Variants in CDH12 observed in about 807,000 individuals in gnomAD.
The protein encoded by CDH12 is cadherin-12.
Under a neutral mutation model 74.1 loss-of-function variants are expected in CDH12, and 41 were observed. The observed-to-expected ratio is 0.55, with a 90% CI of 0.43 to 0.72. CDH12 has a LOEUF of 0.72. Among genes scored for constraint, CDH12 ranks in the 30% least tolerant of loss-of-function variants. The probability of loss-of-function intolerance (pLI) is 0.00; values close to 1 mark genes in which losing one functional copy is unlikely to be tolerated. For missense variants in CDH12, 945 were observed against 977.2 expected, an observed-to-expected ratio of 0.97 and a Z score of 0.44; for synonymous variants, 399 against 355.0, an observed-to-expected ratio of 1.12 and a Z score of -1.39.
At chr5:21,834,369 G>C (rs1011405845) in intron 8 of CDH12, among the ~76,000 whole-genome samples, 4 of 151,888 alleles carry the variant, frequency 2.6e-5, no homozygotes, top group African/African-American at 9.7e-5. Context: ...ATATATTCAT[G>C]TACAGTATCT....
intron 5 of CDH12, among the ~76,000 whole-genome samples, chr5:22,004,147 C>T (rs1736785570): frequency 1.3e-5 from 2 of 152,112 alleles, no homozygotes; most frequent in African/African-American, 4.8e-5. Flanking sequence ...ATTTCTCTTC[C>T]GTTCTTCTAA....
chr5:22,761,129 C>T (rs886091089), intron 1 of CDH12, among the ~76,000 whole-genome samples: 1 of 152,144 alleles, frequency 6.6e-6, no homozygotes, highest in African/African-American at 2.4e-5. Context: ...AATGACACTT[C>T]AAAGATGCCT....
intron 4 of CDH12, among the ~76,000 whole-genome samples, chr5:22,120,540 T>C (rs1483879720): frequency 1.3e-5 from 2 of 152,176 alleles, no homozygotes; most frequent in Non-Finnish European, 2.9e-5. Flanking sequence ...TTGTATAGAT[T>C]TTACATTATT....
At chr5:22,471,973 C>G (rs1745977151) in intron 2 of CDH12, among the ~76,000 whole-genome samples, 1 of 152,038 alleles carries the variant, frequency 6.6e-6, no homozygotes, top group Non-Finnish European at 1.5e-5. Context: ...GATTTATAGT[C>G]AAGGAGAACA....
In CDH12 at chr5:21,989,448, G is replaced by A. The variant is rs549744879; in HGVS notation, c.232-14063C>T. On this transcript the variant is annotated intron_variant, in intron 5 of 14. Transcript: ENST00000382254. Reference sequence around the variant, plus strand: ...TGACCAGACTTTTCTCTGTACTTTCGGGTGTGTTTCCCTATTAGCAGGTAA... The same window carrying A: ...TGACCAGACTTTTCTCTGTACTTTCAGGTGTGTTTCCCTATTAGCAGGTAA... 3.3e-5 allele frequency among the ~76,000 whole-genome samples: 5 copies of A among 152,084 alleles called. No homozygotes were observed. The South Asian group carries it at 1.0e-3, about 32-fold the overall frequency.
Position 22,437,733 on chromosome 5 carries a change from A to T in CDH12, c.-427-32382T>A, listed in dbSNP as rs150462132. 3.1e-4 allele frequency among the ~76,000 whole-genome samples: 47 copies of T among 151,978 alleles called. No individual in the cohort carries two copies. In the East Asian group the frequency reaches 8.7e-3, roughly 28 times the overall value. On this transcript the variant is annotated intron_variant, in intron 2 of 14. Transcript: ENST00000382254. ...TCTCACAATCAATCAATCAATCAAT[A>T]AAAGGCTTTTTGTGATCACAAAATG...
intron 6 of CDH12, among the ~76,000 whole-genome samples, chr5:21,914,535 G>C (rs1462338825): frequency 6.6e-6 from 1 of 152,168 alleles, no homozygotes; most frequent in Non-Finnish European, 1.5e-5. Context: ...AGATGGGAGA[G>C]AGATTTTATT....
chr5:21,883,791 G>T, intron 6 of CDH12: 1 of 1,574,692 alleles, frequency 6.4e-7, no homozygotes, highest in Non-Finnish European at 8.7e-7. Context: ...TTCAGATGGA[G>T]TAGTTGTGCT....
chr5:22,377,494 G>C (rs2126369176), intron 3 of CDH12, among the ~76,000 whole-genome samples: 1 of 152,208 alleles, frequency 6.6e-6, no homozygotes, highest in Non-Finnish European at 1.5e-5. Flanking sequence ...CATCCGGCTT[G>C]AGAGAGAGCA....
chr5:22,368,586 C>T (rs985574674), intron 3 of CDH12, among the ~76,000 whole-genome samples: 4 of 151,532 alleles, frequency 2.6e-5, no homozygotes, highest in Non-Finnish European at 4.4e-5. Flanking sequence ...AAGTAATAAC[C>T]GCTGGTTAAT....
intron 3 of CDH12, among the ~76,000 whole-genome samples, chr5:22,281,666 G>A (rs148186269): frequency 0.014 from 2,173 of 152,160 alleles, 42 homozygotes; most frequent in African/African-American, 0.049. Context: ...CATCTTACAA[G>A]GGATGTGAAG....
chr5:22,442,740 G>A (rs1311205527), intron 2 of CDH12, among the ~76,000 whole-genome samples: 1 of 152,060 alleles, frequency 6.6e-6, no homozygotes, highest in African/African-American at 2.4e-5. Context: ...TGGAAAAGAA[G>A]CCTGGAGTCT....
At chr5:22,510,729 A>C (rs1216646036) in intron 1 of CDH12, among the ~76,000 whole-genome samples, 1 of 152,082 alleles carries the variant, frequency 6.6e-6, no homozygotes, top group African/African-American at 2.4e-5. Flanking sequence ...TTTCATTGTT[A>C]TAATTATTTT....
intron 4 of CDH12, among the ~76,000 whole-genome samples, chr5:22,205,538 C>T (rs1263882587): frequency 6.6e-6 from 1 of 151,842 alleles, no homozygotes; most frequent in African/African-American, 2.4e-5. Context: ...ATATTTCCCT[C>T]TATTGTTTAT....
chr5:22,639,432 CTTTTTTTTT>C (rs10706075), intron 1 of CDH12, among the ~76,000 whole-genome samples: 1 of 115,598 alleles, frequency 8.7e-6, no homozygotes, highest in Non-Finnish European at 1.8e-5. Flanking sequence ...TTTTCTTCTT[CTTTTTTTTT>C]TTTTTTTTTC....
rs1271993488 is a variant in CDH12, at chr5:22,772,660, G to GAAATGTAAAAGTATATGAGAGC, written c.-523+80376_-523+80397dup. Among the ~76,000 whole-genome samples, 4 of 152,062 alleles carry GAAATGTAAAAGTATATGAGAGC rather than the reference G, an allele frequency of 2.6e-5. No homozygotes were observed. In the East Asian group the frequency reaches 7.7e-4, roughly 29 times the overall value. On this transcript the variant is annotated intron_variant, in intron 1 of 14. Transcript: ENST00000382254. ...ATAAGCTAAATTTAAACTTAACTAA[G>GAAATGTAAAAGTATATGAGAGC]AAATGTAAAAGTATATGAGAGCAAA...
intron 6 of CDH12, among the ~76,000 whole-genome samples, chr5:21,882,271 T>G (rs1752391030): frequency 6.6e-6 from 1 of 152,234 alleles, no homozygotes; most frequent in South Asian, 2.1e-4. Flanking sequence ...GACGTATATT[T>G]AATTTGCTTA....
intron 4 of CDH12, among the ~76,000 whole-genome samples, chr5:22,189,579 ATTTCT>A (rs1231616900): frequency 1.3e-5 from 2 of 152,036 alleles, no homozygotes; most frequent in African/African-American, 2.4e-5. Context: ...GTACAATTCT[ATTTCT>A]TTTATTAGGC....
Position 22,090,622 on chromosome 5 carries a change from C to T in CDH12, c.-186-11760G>A, listed in dbSNP as rs1280172122. Among the ~76,000 whole-genome samples the T allele has an allele frequency of 2.0e-5, 3 of 151,568 alleles. No individual in the cohort carries two copies. The East Asian group carries it at 5.8e-4, about 29-fold the overall frequency. Reference sequence around the variant, plus strand: ...ATACATACATACACACACACACACACACACACCCTCCTGAATACCAATATC... The same window carrying T: ...ATACATACATACACACACACACACATACACACCCTCCTGAATACCAATATC... On this transcript the variant is annotated intron_variant, in intron 4 of 14. Transcript: ENST00000382254.
Sources: allele counts gnomAD v4.1 joint callset (sites outside exome capture counted in the v4.1 genomes callset), GRCh38; gene constraint gnomAD v4.1.1; transcripts MANE v1.5; gene names NCBI Gene and HGNC (gene_info 2026-07-23, HGNC 2026-07-21).